Variants in COL13A1 observed in about 807,000 individuals in gnomAD.
COL13A1 encodes the protein collagen type XIII alpha 1 chain.
A neutral mutation model predicts 130.9 loss-of-function variants in COL13A1; 89 were observed. That is an observed-to-expected ratio of 0.68 (90% CI 0.57 to 0.81). COL13A1 has a LOEUF of 0.81. COL13A1 is among the 30% of genes least tolerant of loss of function. The pLI, the probability that COL13A1 is intolerant of heterozygous loss-of-function variation, is 0.00. For synonymous variants in COL13A1, 402 were observed against 341.6 expected (o/e 1.18, Z -1.95); for missense variants, 879 against 934.6 (o/e 0.94, Z 0.78).
At chr10:69,945,559 G>A in intron 36 of COL13A1, 112 bp from the exon 37 acceptor site, 1 of 1,437,926 alleles carries the variant, frequency 7.0e-7, no homozygotes, top group Non-Finnish European at 9.5e-7. Flanking sequence ...CTTCCCGGAG[G>A]GCTCTTGAGG....
intron 7 of COL13A1, among the ~76,000 whole-genome samples, chr10:69,882,684 T>C (rs2060258022): frequency 1.3e-5 from 2 of 152,360 alleles, no homozygotes; most frequent in East Asian, 3.9e-4. Flanking sequence ...CCCTGTTCCA[T>C]GTTTGAAACG....
rs551075547 is a variant in COL13A1, at chr10:69,905,662, T to C, written c.886-125T>C. On this transcript the variant is annotated intron_variant, in intron 16 of 40. Transcript: ENST00000645393. ...TGCTCCTGGGAAGGCTGGAGATGGG[T>C]GTTGAAGGGGCAGTGGAACTTGGAG... 1.1e-5 allele frequency: 11 copies of C among 985,882 alleles called. No individual in the cohort carries two copies. The African/African-American group carries it at 1.4e-4, about 13-fold the overall frequency. 61.1% of individuals were successfully genotyped at this position (985,882 alleles called of 1,614,324 possible). A position where few individuals can be genotyped will look rare whatever the true frequency, so the allele number is the denominator to read the frequency against.
intron 1 of COL13A1, among the ~76,000 whole-genome samples, chr10:69,805,829 C>G (rs1353823025): frequency 6.6e-6 from 1 of 152,214 alleles, no homozygotes; most frequent in Non-Finnish European, 1.5e-5. Flanking sequence ...CAGGCAAAAA[C>G]CTGCCACAGG....
chr10:69,863,263 T>C (rs1349663245), intron 2 of COL13A1, among the ~76,000 whole-genome samples: 1 of 152,152 alleles, frequency 6.6e-6, no homozygotes, highest in African/African-American at 2.4e-5. Context: ...TCTCCAGACA[T>C]TGTCAACTAT....
intron 2 of COL13A1, among the ~76,000 whole-genome samples, chr10:69,865,134 C>T (rs1016879282): frequency 2.6e-5 from 4 of 152,202 alleles, no homozygotes; most frequent in Admixed American, 6.5e-5. Flanking sequence ...GCCGGTCTCA[C>T]CGCCATCACC....
intron 26 of COL13A1, 70 bp downstream of exon 26, chr10:69,925,942 G>C (rs181620292): frequency 4.4e-6 from 6 of 1,354,164 alleles, no homozygotes; most frequent in Non-Finnish European, 6.2e-6. Context: ...CCTGATCAGG[G>C]GGCCCTTCCA....
intron 1 of COL13A1, among the ~76,000 whole-genome samples, chr10:69,810,346 A>ATGAGAGAGAGAGAGAGAG (rs1842652361): frequency 1.4e-4 from 10 of 71,144 alleles, no homozygotes; most frequent in African/African-American, 5.6e-4. Context: ...GGCCCTGAGA[A>ATGAGAGAGAGAGAGAGAG]TGAGAGAGAG....
At chr10:69,911,377 G>A (rs2063364573) in intron 17 of COL13A1, among the ~76,000 whole-genome samples, 1 of 152,224 alleles carries the variant, frequency 6.6e-6, no homozygotes, top group Non-Finnish European at 1.5e-5. Flanking sequence ...TCAACTTATT[G>A]AATCCTTGTA....
chr10:69,921,983 C>T (rs369724527), intron 22 of COL13A1, 48 bp downstream of exon 22: 22 of 1,559,936 alleles, frequency 1.4e-5, no homozygotes, highest in Non-Finnish European at 1.8e-5. Context: ...TCACCCACAT[C>T]CCATACCTGG....
chr10:69,929,961 T>G (rs1474246835), intron 28 of COL13A1, 82 bp from the exon 29 acceptor site: 1 of 1,143,400 alleles, frequency 8.7e-7, no homozygotes, highest in Non-Finnish European at 1.3e-6. Context: ...TGGAGTGGGA[T>G]GCCGGGTGCA....
intron 40 of COL13A1, 123 bp downstream of exon 40, chr10:69,957,165 C>G: frequency 1.2e-6 from 1 of 811,514 alleles, no homozygotes; most frequent in Admixed American, 2.0e-5. Context: ...GTCACTGTCT[C>G]AAAGGCAGGG....
intron 6 of COL13A1, 117 bp from the exon 7 acceptor site, chr10:69,880,386 C>T (rs935011946): frequency 2.1e-5 from 15 of 724,966 alleles, no homozygotes; most frequent in South Asian, 4.4e-5. Context: ...CCCATGGGGC[C>T]GGCCTCCTGC....
intron 21 of COL13A1, among the ~76,000 whole-genome samples, chr10:69,920,334 G>A (rs1326123531): frequency 6.6e-6 from 1 of 152,218 alleles, no homozygotes; most frequent in African/African-American, 2.4e-5. Flanking sequence ...CCAGGGCCAT[G>A]GGTAGCAAAG....
chr10:69,879,032 GC>G (rs1166739799), intron 6 of COL13A1, among the ~76,000 whole-genome samples: 2 of 152,224 alleles, frequency 1.3e-5, no homozygotes, highest in African/African-American at 4.8e-5. Flanking sequence ...TGTGTCAGGT[GC>G]GGGTTTAAGT....
At chr10:69,858,114 T>TGAAAAAAAA (rs1856958979) in intron 2 of COL13A1, among the ~76,000 whole-genome samples, 1 of 5,992 alleles carries the variant, frequency 1.7e-4, no homozygotes, top group Non-Finnish European at 8.9e-4. Context: ...AGACTCCGTC[T>TGAAAAAAAA]CAAAAAAAAA....
intron 2 of COL13A1, among the ~76,000 whole-genome samples, chr10:69,859,372 C>G (rs764693949): frequency 9.2e-5 from 14 of 152,248 alleles, no homozygotes; most frequent in African/African-American, 1.2e-4. Context: ...ACCTATGAAG[C>G]CTGCAGCCCC....
intron 13 of COL13A1, among the ~76,000 whole-genome samples, 194 bp downstream of exon 13, chr10:69,895,770 T>A (rs967505540): frequency 1.3e-5 from 2 of 152,150 alleles, no homozygotes. Flanking sequence ...ACAGCTGATG[T>A]GTCTCTCCAG....
chr10:69,835,779 C>T (rs1849891668), intron 2 of COL13A1, among the ~76,000 whole-genome samples: 1 of 152,336 alleles, frequency 6.6e-6, no homozygotes, highest in Non-Finnish European at 1.5e-5. Context: ...GGCCGTGATG[C>T]TTGTCCAGGG....
At chr10:69,808,761 T>C (rs1184299786) in intron 1 of COL13A1, among the ~76,000 whole-genome samples, 1 of 152,244 alleles carries the variant, frequency 6.6e-6, no homozygotes, top group East Asian at 1.9e-4. Flanking sequence ...TACGCAGCTC[T>C]CACAAATTAG....
Sources: gnomAD v4.1 joint callset for allele counts (sites outside exome capture counted in the v4.1 genomes callset) on GRCh38, gnomAD v4.1.1 for gene constraint, MANE v1.5 for transcripts, NCBI Gene and HGNC (gene_info 2026-07-23, HGNC 2026-07-21) for gene names.